Variants in ABCD2 observed in about 807,000 individuals in gnomAD.
The protein encoded by ABCD2 is ATP binding cassette subfamily D member 2, also known as ATP-binding cassette sub-family D member 2.
Under a neutral mutation model 70.9 loss-of-function variants are expected in ABCD2, and 36 were observed. That is an observed-to-expected ratio of 0.51 (90% CI 0.39 to 0.67). The LOEUF is 0.67. Among genes scored for constraint, ABCD2 ranks in the 30% least tolerant of loss-of-function variants. ABCD2 has a pLI of 0.00. For missense variants in ABCD2, 729 were observed against 890.2 expected (o/e 0.82, Z 2.30); for synonymous variants, 304 against 306.9 (o/e 0.99, Z 0.10).
chr12:39,618,367 T>G (rs1942146097), intron 1 of ABCD2, among the ~76,000 whole-genome samples: 1 of 152,186 alleles, frequency 6.6e-6, no homozygotes, highest in Admixed American at 6.6e-5. Context: ...CAAGTTGGGA[T>G]TTAAGTTTTA....
intron 9 of ABCD2, among the ~76,000 whole-genome samples, chr12:39,573,437 C>A (rs139301168): frequency 6.6e-6 from 1 of 151,984 alleles, no homozygotes; most frequent in East Asian, 1.9e-4. Context: ...ATATTTTTCC[C>A]AGTACATGTT....
chr12:39,560,255 G>T (rs901303587), intron 9 of ABCD2, among the ~76,000 whole-genome samples: 2 of 152,144 alleles, frequency 1.3e-5, no homozygotes, highest in Non-Finnish European at 2.9e-5. Context: ...GTGAGAACAT[G>T]TGGTGTTTGG....
chr12:39,550,261 T>G lies in ABCD2; in HGVS notation c.*3651A>C. Reference sequence around the variant, plus strand: ...TTTGCAGTATAGAAACAGGGTATTTTGTAAAAATGGAATAATTTGTAATTC... The same window carrying G: ...TTTGCAGTATAGAAACAGGGTATTTGGTAAAAATGGAATAATTTGTAATTC... On this transcript the variant is annotated 3_prime_UTR_variant, in exon 10 of 10. Transcript: ENST00000308666. 1 of 151,806 alleles carries G rather than the reference T, an allele frequency of 6.6e-6. No individual in the cohort carries two copies. Among genetic ancestry groups the G allele is most frequent in the Admixed American group, 6.6e-5 (1 of 15,204 alleles). 9.4% of individuals were successfully genotyped at this position (151,806 alleles called of 1,614,324 possible). A position where few individuals can be genotyped will look rare whatever the true frequency, so the allele number is the denominator to read the frequency against.
At position 39,552,530 on chromosome 12, in the gene ABCD2, C is replaced by T. The variant is rs973054086; in HGVS notation, c.*1382G>A. On this transcript the variant is annotated 3_prime_UTR_variant, in exon 10 of 10. Transcript: ENST00000308666. The stretch of plus-strand genomic sequence containing the variant: ...TGACTAGTCCATATAGATTATTTCT[C>T]ATTATGTTCAATAAATATTAACTTT... 3 of 151,908 alleles carry T rather than the reference C, an allele frequency of 2.0e-5. No homozygotes were observed. The highest frequency in any genetic ancestry group is 2.9e-5 in the Non-Finnish European group (2 of 67,822). The allele number at this position is 151,908 out of a possible 1,614,324, so 9.4% of individuals were successfully genotyped here.
downstream of ABCD2, among the ~76,000 whole-genome samples, chr12:39,548,160 G>C (rs559109669): frequency 2.0e-5 from 3 of 152,208 alleles, no homozygotes; most frequent in Admixed American, 6.6e-5. Flanking sequence ...CCACTGATCA[G>C]AAGGGTAAAC....
chr12:39,615,504 C>T (rs528110082), intron 2 of ABCD2, among the ~76,000 whole-genome samples: 3 of 151,644 alleles, frequency 2.0e-5, no homozygotes, highest in Non-Finnish European at 4.4e-5. Context: ...TCAATATAAA[C>T]TTTTTAAAAT....
chr12:39,617,553 A>G (rs1053854640), intron 1 of ABCD2, among the ~76,000 whole-genome samples: 1 of 152,092 alleles, frequency 6.6e-6, no homozygotes, highest in Non-Finnish European at 1.5e-5. Context: ...AACTGACTCA[A>G]TTTGTTGGAT....
chr12:39,597,788 C>T (rs1215486661), intron 6 of ABCD2, among the ~76,000 whole-genome samples: 1 of 152,120 alleles, frequency 6.6e-6, no homozygotes, highest in Non-Finnish European at 1.5e-5. Context: ...TCTGATGCTC[C>T]ACTAATGATC....
chr12:39,617,174 G>A lies in ABCD2; in HGVS notation c.940-6C>T, dbSNP rs1375887941. On this transcript the variant is annotated splice_region_variant and splice_polypyrimidine_tract_variant and intron_variant, in intron 1 of 9. Coordinates refer to ENST00000308666, the MANE Select transcript of ABCD2 (RefSeq NM_005164.4). ...TGAAGTTGTTTCATTTCTACCTATAGAGAGGAAAAAGAGTTGAGGACTTTT... is the reference window on the plus strand; with the variant it reads ...TGAAGTTGTTTCATTTCTACCTATAAAGAGGAAAAAGAGTTGAGGACTTTT... 3 of 1,552,596 alleles carry A rather than the reference G, an allele frequency of 1.9e-6. No homozygotes were observed. The highest frequency in any genetic ancestry group is 2.6e-6 in the Non-Finnish European group (3 of 1,154,984).
At position 39,569,220 on chromosome 12, in the gene ABCD2, C is replaced by T. The variant is rs367546036; in HGVS notation, c.2003+4496G>A. ...CTTTTGTTTGTCTATGCCCTACCCCCAGAGGTTGAGTCTACAGATCCAAGC... is the reference window on the plus strand; with the variant it reads ...CTTTTGTTTGTCTATGCCCTACCCCTAGAGGTTGAGTCTACAGATCCAAGC... On this transcript the variant is annotated intron_variant, in intron 9 of 9. Coordinates refer to ENST00000308666, the MANE Select transcript of ABCD2 (RefSeq NM_005164.4). Among the ~76,000 whole-genome samples, 9 of 152,324 alleles carry T rather than the reference C, an allele frequency of 5.9e-5. No homozygotes were observed. The East Asian group carries it at 1.4e-3, about 23-fold the overall frequency.
At chr12:39,582,718 T>C (rs1455570526) in intron 7 of ABCD2, among the ~76,000 whole-genome samples, 2 of 152,182 alleles carry the variant, frequency 1.3e-5, no homozygotes, top group Non-Finnish European at 2.9e-5. Context: ...TAAAAGTATT[T>C]TTCTTGCCTG....
At chr12:39,593,238 A>AT (rs1941770301) in intron 6 of ABCD2, among the ~76,000 whole-genome samples, 1 of 151,930 alleles carries the variant, frequency 6.6e-6, no homozygotes, top group South Asian at 2.1e-4. Context: ...CACAGCTTTT[A>AT]TTTTTTTGTT....
At chr12:39,584,380 T>C (rs139075439) in intron 7 of ABCD2, among the ~76,000 whole-genome samples, 35 of 152,326 alleles carry the variant, frequency 2.3e-4, no homozygotes, top group Non-Finnish European at 4.3e-4. Context: ...TTTTCCCTTG[T>C]AAATTTGTTT....
chr12:39,593,946 C>T (rs1328995346), intron 6 of ABCD2, among the ~76,000 whole-genome samples: 1 of 152,070 alleles, frequency 6.6e-6, no homozygotes, highest in African/African-American at 2.4e-5. Context: ...TAAAATTTCA[C>T]TTTCATATGA....
the ABCD2 span, among the ~76,000 whole-genome samples, chr12:39,542,816 A>G: frequency 6.6e-6 from 1 of 152,166 alleles, no homozygotes; most frequent in Non-Finnish European, 1.5e-5. Context: ...CAGAAATGTA[A>G]AGGGTCAGCC....
Position 39,618,858 on chromosome 12 carries a change from G to T in ABCD2, c.758C>A (p.Pro253Gln), listed in dbSNP as rs376662929. ...TCCTGCTAGTAGGGTGGGCCCAATTGGGCTTGCTCCTCTGGATGTAGCAGT... is the reference window on the plus strand; with the variant it reads ...TCCTGCTAGTAGGGTGGGCCCAATTTGGCTTGCTCCTCTGGATGTAGCAGT... ...IQTATSRGAS[P>Q]IGPTLLAGLV... is the part of the protein sequence containing the mutation. Residue 253 changes from proline (P) to glutamine (Q), a missense_variant, in exon 1 of 10, where the codon CCA (proline) becomes CAA (glutamine). Around this residue, in one of 3 missense-constraint regions of ABCD2, gnomAD observed 195 missense variants for 300.2 expected, o/e 0.65. Coordinates refer to ENST00000308666, the MANE Select transcript of ABCD2 (RefSeq NM_005164.4). 6.2e-7 allele frequency: 1 copy of T among 1,614,072 alleles called. No homozygotes were observed. Among genetic ancestry groups the T allele is most frequent in the African/African-American group, 1.3e-5 (1 of 74,920 alleles).
At chr12:39,557,199 T>C (rs1289127373) in intron 9 of ABCD2, among the ~76,000 whole-genome samples, 1 of 152,152 alleles carries the variant, frequency 6.6e-6, no homozygotes, top group East Asian at 1.9e-4. Flanking sequence ...GAGAATCTTC[T>C]TGGGAACTAG....
At chr12:39,600,156 C>T (rs561056718) in intron 6 of ABCD2, among the ~76,000 whole-genome samples, 12 of 152,076 alleles carry the variant, frequency 7.9e-5, no homozygotes, top group Non-Finnish European at 1.2e-4. Context: ...TTTTATGGAT[C>T]CTCAAATATA....
intron 8 of ABCD2, among the ~76,000 whole-genome samples, chr12:39,578,511 T>C (rs1055256332): frequency 4.0e-5 from 6 of 150,546 alleles, no homozygotes; most frequent in Non-Finnish European, 7.4e-5. Context: ...ACATAGTTTC[T>C]GACAACCTTC....
Sources: gnomAD v4.1 joint callset for allele counts (sites outside exome capture counted in the v4.1 genomes callset) on GRCh38, gnomAD v4.1.1 for gene constraint, gnomAD v4.1.1 regional missense constraint, MANE v1.5 for transcripts, NCBI Gene and HGNC (gene_info 2026-07-23, HGNC 2026-07-21) for gene names.